The following COL19A1 variants were observed in gnomAD, a reference collection of about 807,000 sequenced individuals.
The protein encoded by COL19A1 is collagen alpha-1(XIX) chain.
A neutral mutation model predicts 190.2 loss-of-function variants in COL19A1; 159 were observed. That is an observed-to-expected ratio of 0.84 (90% confidence interval 0.73 to 0.95). The LOEUF (loss-of-function observed/expected upper bound fraction) is 0.95. Ranked by LOEUF, COL19A1 falls within the 40% of genes least tolerant of loss-of-function variation. The probability of loss-of-function intolerance (pLI) is 0.00; values close to 1 mark genes in which losing one functional copy is unlikely to be tolerated. For synonymous variants in COL19A1, 509 were observed against 458.9 expected (o/e 1.11, Z -1.39); for missense variants, 1,418 against 1,431.9 (o/e 0.99, Z 0.16).
At chr6:69,939,011 A>G (rs1225281410) in intron 9 of COL19A1, among the ~76,000 whole-genome samples, 1 of 152,176 alleles carries the variant, frequency 6.6e-6, no homozygotes, top group Non-Finnish European at 1.5e-5. Context: ...CGCTTTAAAA[A>G]GACAGGAGAC....
At chr6:70,043,695 A>G (rs1253814380) in intron 14 of COL19A1, among the ~76,000 whole-genome samples, 1 of 152,218 alleles carries the variant, frequency 6.6e-6, no homozygotes, top group African/African-American at 2.4e-5. Context: ...CAGTGGTATC[A>G]ACAGTGGGCT....
intron 49 of COL19A1, among the ~76,000 whole-genome samples, chr6:70,201,277 A>C (rs1767534200): frequency 6.6e-6 from 1 of 152,204 alleles, no homozygotes. Flanking sequence ...TGTTCCACTC[A>C]AACACCTGGC....
intron 7 of COL19A1, among the ~76,000 whole-genome samples, chr6:69,933,144 A>G (rs924844887): frequency 2.6e-5 from 4 of 152,114 alleles, no homozygotes; most frequent in Non-Finnish European, 5.9e-5. Context: ...TTCTGACAGC[A>G]GCATCATTTC....
chr6:70,033,063 A>G (rs79748639), intron 12 of COL19A1, among the ~76,000 whole-genome samples: 1 of 152,272 alleles, frequency 6.6e-6, no homozygotes, highest in African/African-American at 2.4e-5. Flanking sequence ...GATGGAAAAA[A>G]TAATAACTAT....
At chr6:70,023,988 G>T (rs1359690832) in intron 12 of COL19A1, among the ~76,000 whole-genome samples, 1 of 151,888 alleles carries the variant, frequency 6.6e-6, no homozygotes, top group Non-Finnish European at 1.5e-5. Context: ...GCCATGGCTT[G>T]TGCTCTTATC....
intron 15 of COL19A1, among the ~76,000 whole-genome samples, chr6:70,096,263 A>G (rs565632877): frequency 2.1e-5 from 3 of 145,550 alleles, no homozygotes; most frequent in Non-Finnish European, 1.5e-5. Context: ...TAATTTTTGT[A>G]TTTTTTTTTT....
At chr6:70,148,514 TAAAAG>T (rs1786821970) in intron 27 of COL19A1, among the ~76,000 whole-genome samples, 1 of 152,298 alleles carries the variant, frequency 6.6e-6, no homozygotes, top group East Asian at 1.9e-4. Context: ...CATGAAAAGT[TAAAAG>T]AAAGCATAAG....
chr6:69,971,366 G>C (rs1775412832), intron 11 of COL19A1, among the ~76,000 whole-genome samples: 1 of 152,158 alleles, frequency 6.6e-6, no homozygotes. Flanking sequence ...TGATGGAATA[G>C]AGAGTAGAAG....
At chr6:69,952,421 A>C (rs1774178751) in intron 9 of COL19A1, among the ~76,000 whole-genome samples, 1 of 151,868 alleles carries the variant, frequency 6.6e-6, no homozygotes, top group Non-Finnish European at 1.5e-5. Flanking sequence ...TTCTCCACCA[A>C]ATAAATATAT....
chr6:69,946,976 G>T (rs926443755), intron 9 of COL19A1, among the ~76,000 whole-genome samples: 3 of 151,800 alleles, frequency 2.0e-5, no homozygotes, highest in Non-Finnish European at 4.4e-5. Flanking sequence ...ATTACCTAAG[G>T]CTGCCTTTGT....
intron 14 of COL19A1, among the ~76,000 whole-genome samples, chr6:70,057,568 T>A (rs1031384611): frequency 2.0e-5 from 3 of 152,068 alleles, no homozygotes; most frequent in African/African-American, 7.2e-5. Flanking sequence ...TAGTTAATGG[T>A]TTGTATAGAT....
chr6:70,020,709 C>G (rs567500938), intron 11 of COL19A1, among the ~76,000 whole-genome samples: 1 of 152,030 alleles, frequency 6.6e-6, no homozygotes, highest in Non-Finnish European at 1.5e-5. Context: ...GAGAGGCTGG[C>G]TACTGGCTTT....
chr6:70,167,151 G>A (rs981455176), intron 37 of COL19A1, among the ~76,000 whole-genome samples: 4 of 152,146 alleles, frequency 2.6e-5, no homozygotes, highest in African/African-American at 7.2e-5. Context: ...TGGATGGAGC[G>A]TTTGTCTTCC....
At chr6:69,989,383 G>A (rs1776485005) in intron 11 of COL19A1, among the ~76,000 whole-genome samples, 1 of 152,040 alleles carries the variant, frequency 6.6e-6, no homozygotes, top group African/African-American at 2.4e-5. Context: ...CCTAAAGCAA[G>A]TAACTTGCTA....
intron 9 of COL19A1, among the ~76,000 whole-genome samples, chr6:69,944,997 C>T (rs1393481694): frequency 6.6e-6 from 1 of 151,866 alleles, no homozygotes; most frequent in African/African-American, 2.4e-5. Flanking sequence ...AACCTAATTC[C>T]TTAGCAACTG....
chr6:70,034,440 A>G, intron 13 of COL19A1, 142 bp downstream of exon 13: 1 of 632,558 alleles, frequency 1.6e-6, no homozygotes, highest in East Asian at 2.7e-5. Flanking sequence ...CATCTGAATA[A>G]GAACAGCCTT....
chr6:70,106,166 C>T (rs1783945485), intron 16 of COL19A1, among the ~76,000 whole-genome samples: 1 of 152,012 alleles, frequency 6.6e-6, no homozygotes, highest in South Asian at 2.1e-4. Context: ...ACTCTAAGTC[C>T]CCAATGGCCT....
intron 48 of COL19A1, among the ~76,000 whole-genome samples, chr6:70,190,886 T>A (rs1210886689): frequency 6.6e-6 from 1 of 152,230 alleles, no homozygotes; most frequent in East Asian, 1.9e-4. Context: ...AAACTGAGAA[T>A]GGTTTTTGCT....
intron 4 of COL19A1, among the ~76,000 whole-genome samples, chr6:69,912,305 C>T (rs563938571): frequency 5.3e-5 from 8 of 152,052 alleles, no homozygotes; most frequent in African/African-American, 1.9e-4. Context: ...TGTTCTCAGG[C>T]CTCGTTAATA....
Sources: allele counts gnomAD v4.1 joint callset (sites outside exome capture counted in the v4.1 genomes callset), GRCh38; gene constraint gnomAD v4.1.1; transcripts MANE v1.5; gene names NCBI Gene and HGNC (gene_info 2026-07-23, HGNC 2026-07-21).